Variants in MYH4 observed in about 807,000 individuals in gnomAD.
MYH4 encodes the protein myosin heavy chain 4.
A neutral mutation model predicts 229.9 loss-of-function variants in MYH4; 200 were observed. That is an observed-to-expected ratio of 0.87 (90% CI 0.78 to 0.98). The LOEUF is 0.98. Among genes scored for constraint, MYH4 ranks in the 50% least tolerant of loss-of-function variants. The pLI, the probability that MYH4 is intolerant of heterozygous loss-of-function variation, is 0.00. For missense variants in MYH4, 2,148 were observed against 2,332.6 expected (o/e 0.92, Z 1.63); for synonymous variants, 761 against 834.6 (o/e 0.91, Z 1.52).
rs1437007298 is a variant in MYH4, at chr17:10,459,851, T to A, written c.1416+101A>T. 5 of 1,598,284 alleles carry A rather than the reference T, an allele frequency of 3.1e-6. No homozygotes were observed. In the African/African-American group the frequency reaches 6.7e-5, roughly 21 times the overall value. Reference sequence around the variant, plus strand: ...TTTCAAAGACTCCTTTCAGTAGGAATTACATTTGTATATTTTGTAAGGTAC... The same window carrying A: ...TTTCAAAGACTCCTTTCAGTAGGAAATACATTTGTATATTTTGTAAGGTAC... On this transcript the variant is annotated intron_variant, in intron 14 of 39. Transcript: ENST00000255381.
intron 28 of MYH4, 43 bp downstream of exon 28, chr17:10,451,283 C>G: frequency 6.2e-7 from 1 of 1,601,840 alleles, no homozygotes; most frequent in Middle Eastern, 1.7e-4. Context: ...GCTTGTCTTT[C>G]ATTCGTCACC....
Position 10,466,171 on chromosome 17 carries a change from A to G in MYH4, c.348+102T>C. The stretch of plus-strand genomic sequence containing the variant: ...CATTAACCAAACAATTGGTCATAAA[A>G]GAACAGTTCAATAGCCAAATGTATT... On this transcript the variant is annotated intron_variant, in intron 4 of 39. Transcript: ENST00000255381. The G allele has an allele frequency of 2.9e-6, 4 of 1,365,372 alleles. No individual in the cohort carries two copies. In the South Asian group the frequency reaches 5.5e-5, roughly 19 times the overall value. 84.6% of individuals were successfully genotyped at this position (1,365,372 alleles called of 1,614,324 possible). A position where few individuals can be genotyped will look rare whatever the true frequency, so the allele number is the denominator to read the frequency against.
Position 10,462,854 on chromosome 17 carries a change from CTAT to C in MYH4, c.1008+8_1008+10del. The C allele has an allele frequency of 6.2e-7, 1 of 1,604,056 alleles. No homozygotes were observed. Among genetic ancestry groups the C allele is most frequent in the Non-Finnish European group, 8.5e-7 (1 of 1,172,166 alleles). ...GAATTTACTTTTTACTACTTTGTAC[CTAT>C]TACTTACATCTGTGGCCATCAGCTC... On this transcript the variant is annotated splice_region_variant and intron_variant, in intron 11 of 39. Transcript: ENST00000255381.
chr17:10,462,162 G>A (rs376985344), intron 11 of MYH4, among the ~76,000 whole-genome samples: 7 of 152,110 alleles, frequency 4.6e-5, no homozygotes, highest in Admixed American at 3.3e-4. Flanking sequence ...GGGGTATTGG[G>A]ATAGTCCCAC....
At chr17:10,448,229 A>G in intron 33 of MYH4, 103 bp from the exon 34 acceptor site, 1 of 1,311,258 alleles carries the variant, frequency 7.6e-7, no homozygotes, top group Non-Finnish European at 1.0e-6. Context: ...ATAAACTATC[A>G]TACGTCTTAA....
At position 10,443,296 on chromosome 17, in the gene MYH4, TC is replaced by T. The variant is rs2072476305; in HGVS notation, c.*78del. The T allele has an allele frequency of 2.8e-6, 4 of 1,430,770 alleles. No homozygotes were observed. In the Admixed American group the frequency reaches 8.2e-5, roughly 29 times the overall value. 88.6% of individuals were successfully genotyped at this position (1,430,770 alleles called of 1,614,324 possible). A position where few individuals can be genotyped will look rare whatever the true frequency, so the allele number is the denominator to read the frequency against. ...TGCAAAATTATCTAAAGATTTTATT[TC>T]CTTGATATACAGGACAGTGACAAAG... On this transcript the variant is annotated 3_prime_UTR_variant, in exon 40 of 40. Coordinates refer to ENST00000255381, the MANE Select transcript of MYH4 (RefSeq NM_017533.2). The surrounding 1 kb of genome is among the most constrained non-coding windows in gnomAD (Gnocchi z 4.6).
At chr17:10,453,999 G>T in intron 22 of MYH4, 114 bp from the exon 23 acceptor site, 1 of 1,369,162 alleles carries the variant, frequency 7.3e-7, no homozygotes, top group Non-Finnish European at 1.0e-6. Context: ...ATGTATACCA[G>T]TTGCTAACTT....
chr17:10,463,514 T>G (rs1184534736), intron 8 of MYH4, 37 bp downstream of exon 8: 1 of 1,587,546 alleles, frequency 6.3e-7, no homozygotes, highest in African/African-American at 1.3e-5. Context: ...CAAGAATCAG[T>G]GCTGATCCTC....
At position 10,443,485 on chromosome 17, in the gene MYH4, G is replaced by A. The variant is rs777818940; in HGVS notation, c.5710C>T (p.Gln1904Ter). ...NVNLAKFRKL[Q>*]HELEEAKERA... is the part of the protein sequence containing the mutation. ...TCCTTGGCCTCCTCCAGCTCGTGCTGGAGCTTGCGGAACTTGGCAAGGTTG... is the reference window on the plus strand; with the variant it reads ...TCCTTGGCCTCCTCCAGCTCGTGCTAGAGCTTGCGGAACTTGGCAAGGTTG... The change falls in exon 40 of 40, where the codon CAG (glutamine) becomes TAG (stop). Residue 1904 changes from glutamine to a stop codon, truncating the protein, a stop_gained. Transcript: ENST00000255381. LOFTEE classifies it high-confidence loss of function. This position sits in a 1 kb window ranked among gnomAD's most constrained non-coding sequence, Gnocchi z 4.6. 1.9e-6 allele frequency: 3 copies of A among 1,613,928 alleles called. No homozygotes were observed. The highest frequency in any genetic ancestry group is 3.3e-5 in the Admixed American group (2 of 59,998).
intron 15 of MYH4, among the ~76,000 whole-genome samples, chr17:10,458,381 T>C (rs912868944): frequency 6.6e-5 from 10 of 152,148 alleles, no homozygotes; most frequent in Admixed American, 3.3e-4. Flanking sequence ...GAGAATAAAA[T>C]AAATGCCTTT....
chr17:10,465,782 T>C (rs1332597560), intron 4 of MYH4, among the ~76,000 whole-genome samples, 184 bp from the exon 5 acceptor site: 2 of 142,814 alleles, frequency 1.4e-5, no homozygotes, highest in Non-Finnish European at 3.1e-5. Context: ...TTTTTTTTTT[T>C]TTTTTTTTTT....
intron 11 of MYH4, among the ~76,000 whole-genome samples, chr17:10,461,716 G>A (rs1457811539): frequency 6.6e-6 from 1 of 152,100 alleles, no homozygotes; most frequent in East Asian, 1.9e-4. Context: ...TTGCCATTTA[G>A]TATAATATTT....
Position 10,454,442 on chromosome 17 carries a change from G to A in MYH4, c.2691+113C>T, listed in dbSNP as rs2072614685. 9.4e-6 allele frequency: 13 copies of A among 1,381,652 alleles called. No individual in the cohort carries two copies. The Admixed American group carries it at 2.8e-4, about 30-fold the overall frequency. 85.6% of individuals were successfully genotyped at this position (1,381,652 alleles called of 1,614,324 possible). A position where few individuals can be genotyped will look rare whatever the true frequency, so the allele number is the denominator to read the frequency against. ...GCATCTATTGCTTCTTTATGCCCGA[G>A]TCTTGGTGTTTTTGAACAGCAAACA... On this transcript the variant is annotated intron_variant, in intron 22 of 39. Coordinates refer to ENST00000255381, the MANE Select transcript of MYH4 (RefSeq NM_017533.2).
intron 17 of MYH4, 91 bp downstream of exon 17, chr17:10,456,394 T>G (rs2072638399): frequency 9.4e-7 from 1 of 1,068,920 alleles, no homozygotes. Flanking sequence ...TTTATTCACT[T>G]TCACCATAAA....
At chr17:10,448,151 G>T in intron 33 of MYH4, 25 bp from the exon 34 acceptor site, 1 of 1,578,004 alleles carries the variant, frequency 6.3e-7, no homozygotes, top group Non-Finnish European at 8.6e-7. Flanking sequence ...CATTTATTTA[G>T]GTTACCTAAA....
chr17:10,452,185 A>G lies in MYH4; in HGVS notation c.3494T>C (p.Ile1165Thr), dbSNP rs760004906. The G allele has an allele frequency of 1.7e-5, 28 of 1,613,636 alleles. No homozygotes were observed. The highest frequency in any genetic ancestry group is 4.5e-5 in the East Asian group (2 of 44,854). The change falls in exon 27 of 40, where the codon ATT becomes ACT. Residue 1165 changes from isoleucine (I) to threonine (T), a missense_variant. Ile to Thr is a moderately conservative substitution (Grantham distance 89). Transcript: ENST00000255381. Reference sequence around the variant, plus strand: ...AGCCTCCCGCTTCTTGTTCATCTCAATCTGGGCTGAAGTGGCCCCACCGGC... The same window carrying G: ...AGCCTCCCGCTTCTTGTTCATCTCAGTCTGGGCTGAAGTGGCCCCACCGGC... ...EEAGGATSAQ[I>T]EMNKKREAEF...
In MYH4 at chr17:10,457,560, G is replaced by GC. The variant is rs762059943; in HGVS notation, c.1756dup (p.Ala586GlyfsTer21). The GC allele has an allele frequency of 5.6e-6, 9 of 1,614,062 alleles. No homozygotes were observed. The South Asian group carries it at 9.9e-5, about 18-fold the overall frequency. Reference sequence around the variant, plus strand: ...GGCGATGTTGTAGTCCACGGTGCCGGCATAGTGCACCAGTGAGAAGTGAGC... The same window carrying GC: ...GGCGATGTTGTAGTCCACGGTGCCGGCCATAGTGCACCAGTGAGAAGTGAGC... On this transcript the variant is annotated frameshift_variant, in exon 16 of 40. Coordinates refer to ENST00000255381, the MANE Select transcript of MYH4 (RefSeq NM_017533.2). LOFTEE classifies it high-confidence loss of function.
rs775675295 is a variant in MYH4, at chr17:10,452,349, C to T, written c.3349-19G>A. On this transcript the variant is annotated intron_variant, in intron 26 of 39. Coordinates refer to ENST00000255381, the MANE Select transcript of MYH4 (RefSeq NM_017533.2). Reference sequence around the variant, plus strand: ...TGCGGGCCTGGTTGTGATATGTCAACATTAATGTGAATTTATGTCAGTTTT... The same window carrying T: ...TGCGGGCCTGGTTGTGATATGTCAATATTAATGTGAATTTATGTCAGTTTT... 8 of 1,614,156 alleles carry T rather than the reference C, an allele frequency of 5.0e-6. No homozygotes were observed. The highest frequency in any genetic ancestry group is 6.8e-6 in the Non-Finnish European group (8 of 1,180,022).
intron 1 of MYH4, 48 bp from the exon 2 acceptor site, chr17:10,469,384 A>G (rs572101054): frequency 5.9e-5 from 9 of 152,310 alleles, no homozygotes; most frequent in Non-Finnish European, 1.3e-4. Context: ...TTCCCCATTT[A>G]ATCACAAAAT....
Sources: gnomAD v4.1 joint callset for allele counts (sites outside exome capture counted in the v4.1 genomes callset) on GRCh38, gnomAD v4.1.1 for gene constraint, Gnocchi (gnomAD v3.1) non-coding constraint, MANE v1.5 for transcripts, NCBI Gene and HGNC (gene_info 2026-07-23, HGNC 2026-07-21) for gene names.